The following OR14I1 variants were observed in gnomAD, a reference collection of about 807,000 sequenced individuals.
The protein encoded by OR14I1 is olfactory receptor 14I1.
For synonymous variants in OR14I1, 118 were observed against 71.1 expected, an observed-to-expected ratio of 1.66 and a Z score of -3.32; for missense variants, 279 against 181.8, an observed-to-expected ratio of 1.53 and a Z score of -3.07.
the OR14I1 span, among the ~76,000 whole-genome samples, chr1:248,696,572 A>T: frequency 6.6e-6 from 1 of 152,190 alleles, no homozygotes; most frequent in African/African-American, 2.4e-5. Context: ...TTCTTTGAGT[A>T]TCCTGTGCAT....
chr1:248,698,068 A>C, the OR14I1 span, among the ~76,000 whole-genome samples: 2 of 152,170 alleles, frequency 1.3e-5, no homozygotes, highest in African/African-American at 4.8e-5. Flanking sequence ...TGTTTCCATA[A>C]TTCCTCTTTA....
At chr1:248,678,611 AT>A (rs1302917268), downstream of OR14I1, among the ~76,000 whole-genome samples, 1 of 152,260 alleles carries the variant, frequency 6.6e-6, no homozygotes, top group African/African-American at 2.4e-5. Context: ...TATTTCATTA[AT>A]TATAGTTGTT....
the OR14I1 span, among the ~76,000 whole-genome samples, chr1:248,696,664 C>CA: frequency 2.0e-5 from 3 of 152,164 alleles, no homozygotes; most frequent in Non-Finnish European, 2.9e-5. Flanking sequence ...GGCCTCCACT[C>CA]AAAAAATGTC....
downstream of OR14I1, among the ~76,000 whole-genome samples, chr1:248,681,090 A>G (rs1428413891): frequency 6.6e-6 from 1 of 151,890 alleles, no homozygotes; most frequent in Non-Finnish European, 1.5e-5. Context: ...CATGTGTGGA[A>G]TGGGAAGGAA....
At chr1:248,697,676 G>C in the OR14I1 span, among the ~76,000 whole-genome samples, 3 of 152,056 alleles carry the variant, frequency 2.0e-5, no homozygotes, top group Non-Finnish European at 4.4e-5. Context: ...CCAGCTACTC[G>C]GGAGACTGAG....
chr1:248,682,991 C>T (rs1188924934), upstream of OR14I1, among the ~76,000 whole-genome samples: 1 of 151,996 alleles, frequency 6.6e-6, no homozygotes, highest in African/African-American at 2.4e-5. Context: ...TTCTCTGTGC[C>T]CGATGCTATT....
chr1:248,682,730 A>C (rs1037277919), upstream of OR14I1, among the ~76,000 whole-genome samples: 17 of 152,156 alleles, frequency 1.1e-4, no homozygotes. Context: ...TTTAGTACAA[A>C]AGTTTGTAGT....
the OR14I1 span, among the ~76,000 whole-genome samples, chr1:248,695,211 T>C: frequency 6.6e-6 from 1 of 151,418 alleles, no homozygotes; most frequent in African/African-American, 2.4e-5. Flanking sequence ...TTTTTACGAA[T>C]TACTTTTGAA....
the OR14I1 span, chr1:248,692,898 TTGTC>T: frequency 3.3e-5 from 5 of 152,334 alleles, no homozygotes; most frequent in African/African-American, 7.2e-5. Flanking sequence ...GCTTTAATGT[TTGTC>T]TGTCTTTCTC....
upstream of OR14I1, among the ~76,000 whole-genome samples, chr1:248,684,942 A>G (rs761980819): frequency 6.6e-5 from 10 of 152,232 alleles, no homozygotes; most frequent in Non-Finnish European, 1.3e-4. Flanking sequence ...ATATGAATAA[A>G]TGATAAGCCT....
At chr1:248,682,960 C>T (rs1456370582), upstream of OR14I1, among the ~76,000 whole-genome samples, 4 of 152,194 alleles carry the variant, frequency 2.6e-5, no homozygotes, top group Non-Finnish European at 4.4e-5. Context: ...ACTAACAATG[C>T]CATTACCCAT....
At chr1:248,691,485 T>C in the OR14I1 span, among the ~76,000 whole-genome samples, 1 of 152,140 alleles carries the variant, frequency 6.6e-6, no homozygotes, top group Non-Finnish European at 1.5e-5. Context: ...TTAGACTAGG[T>C]AGGGAAGAGG....
upstream of OR14I1, among the ~76,000 whole-genome samples, chr1:248,685,494 C>T (rs1661635057): frequency 6.6e-6 from 1 of 152,034 alleles, no homozygotes; most frequent in Non-Finnish European, 1.5e-5. Flanking sequence ...TACTATCTCC[C>T]GGGTTAGCTT....
chr1:248,695,241 T>G, the OR14I1 span, among the ~76,000 whole-genome samples: 24,724 of 145,244 alleles, frequency 0.17, 2,642 homozygotes, highest in African/African-American at 0.29. Context: ...TTTTTTTTTT[T>G]TTTTTTTTTT....
At chr1:248,685,586 T>G (rs1019449491), upstream of OR14I1, among the ~76,000 whole-genome samples, 2 of 151,998 alleles carry the variant, frequency 1.3e-5, no homozygotes, top group African/African-American at 4.8e-5. Flanking sequence ...GAGAAAATAA[T>G]AATGCTCTTT....
chr1:248,681,699 T>C, exon 1 of OR14I1: 2 of 781,052 alleles, frequency 2.6e-6, no homozygotes, highest in East Asian at 2.4e-5. Context: ...GAACCAAGCA[T>C]GAGCTCAGGG....
upstream of OR14I1, among the ~76,000 whole-genome samples, chr1:248,685,068 T>A (rs1661624888): frequency 6.6e-6 from 1 of 152,126 alleles, no homozygotes. Context: ...TTTTGTGTGT[T>A]ATAAATTGCT....
the OR14I1 span, among the ~76,000 whole-genome samples, chr1:248,698,699 C>A: frequency 2.0e-5 from 3 of 152,214 alleles, no homozygotes; most frequent in African/African-American, 4.8e-5. Flanking sequence ...TTGGAGGACA[C>A]ATTTCTAGCT....
the OR14I1 span, among the ~76,000 whole-genome samples, chr1:248,690,838 C>T: frequency 2.2e-4 from 33 of 151,674 alleles, no homozygotes; most frequent in African/African-American, 7.5e-4. Context: ...ATGTGAAAAT[C>T]CTCAATAAAA....
Sources: gnomAD v4.1 joint callset for allele counts (sites outside exome capture counted in the v4.1 genomes callset) on GRCh38, gnomAD v4.1.1 for gene constraint, MANE v1.5 for transcripts, NCBI Gene and HGNC (gene_info 2026-07-23, HGNC 2026-07-21) for gene names.